ALDH1A1: variants seen among roughly 807,000 people sequenced by gnomAD.
The protein encoded by ALDH1A1 is aldehyde dehydrogenase 1 family member A1, also known as aldehyde dehydrogenase 1A1.
In ALDH1A1, 19 loss-of-function variants were observed where a neutral mutation model predicts 62.1. The observed-to-expected ratio is 0.31, with a 90% confidence interval of 0.21 to 0.45. The LOEUF (loss-of-function observed/expected upper bound fraction) is 0.45. Ranked by LOEUF, ALDH1A1 falls within the 20% of genes least tolerant of loss-of-function variation. ALDH1A1 has a pLI of 1.00. For missense variants in ALDH1A1, 521 were observed against 607.1 expected, an observed-to-expected ratio of 0.86 and a Z score of 1.49; for synonymous variants, 231 against 215.9, an observed-to-expected ratio of 1.07 and a Z score of -0.61.
chr9:72,917,395 A>C (rs990730276), intron 8 of ALDH1A1, among the ~76,000 whole-genome samples: 39 of 152,096 alleles, frequency 2.6e-4, no homozygotes, highest in African/African-American at 9.4e-4. Context: ...TCTCTTTGGA[A>C]ATGATTTATA....
At chr9:72,911,342 T>C (rs1336481095) in intron 10 of ALDH1A1, among the ~76,000 whole-genome samples, 2 of 152,194 alleles carry the variant, frequency 1.3e-5, no homozygotes, top group Non-Finnish European at 2.9e-5. Context: ...AAGTAGAACC[T>C]ATATATTTAT....
At chr9:72,907,462 G>C (rs750403614) in intron 11 of ALDH1A1, among the ~76,000 whole-genome samples, 1 of 152,144 alleles carries the variant, frequency 6.6e-6, no homozygotes, top group Non-Finnish European at 1.5e-5. Context: ...CCCTCAGTGG[G>C]GTGATGTCAT....
intron 9 of ALDH1A1, among the ~76,000 whole-genome samples, chr9:72,914,991 C>T (rs1421711897): frequency 1.3e-5 from 2 of 152,028 alleles, no homozygotes; most frequent in Non-Finnish European, 2.9e-5. Context: ...TTTCTCCTAA[C>T]AATAGATGAA....
intron 4 of ALDH1A1, among the ~76,000 whole-genome samples, 192 bp from the exon 5 acceptor site, chr9:72,927,369 G>A (rs913165235): frequency 3.3e-5 from 5 of 152,142 alleles, no homozygotes; most frequent in South Asian, 2.1e-4. Context: ...TCAAGAGATC[G>A]AGACCATCTA....
At chr9:72,946,308 G>C (rs1830473083) in intron 1 of ALDH1A1, among the ~76,000 whole-genome samples, 1 of 151,972 alleles carries the variant, frequency 6.6e-6, no homozygotes, top group East Asian at 1.9e-4. Context: ...TAGAGCAGTG[G>C]AAATAGTCAG....
chr9:72,930,885 C>A lies in ALDH1A1; in HGVS notation c.306G>T (p.Leu102=), dbSNP rs1391373397. Residue 102 remains leucine (L), a synonymous_variant, in exon 3 of 13, where the codon CTG becomes CTT. Coordinates refer to ENST00000297785, the MANE Select transcript of ALDH1A1 (RefSeq NM_000689.5). ...CAGCTTGGATAATACTCACCGCCAG[C>A]AGCAGACGATCTCTTTCGATTAAAT... ...LADLIERDRL[L]LATMESMNGG... is the part of the protein sequence containing the mutation. 6.2e-7 allele frequency: 1 copy of A among 1,613,986 alleles called. No homozygotes were observed. Among genetic ancestry groups the A allele is most frequent in the Admixed American group, 1.7e-5 (1 of 60,016 alleles).
intron 7 of ALDH1A1, among the ~76,000 whole-genome samples, chr9:72,920,513 T>A (rs1340072142): frequency 1.3e-5 from 2 of 152,206 alleles, no homozygotes; most frequent in Non-Finnish European, 2.9e-5. Flanking sequence ...TTTACGGAAG[T>A]AACTCCATTA....
intron 4 of ALDH1A1, among the ~76,000 whole-genome samples, chr9:72,928,235 C>T (rs1454547314): frequency 6.6e-6 from 1 of 151,774 alleles, no homozygotes; most frequent in African/African-American, 2.4e-5. Context: ...ATACTGTTTC[C>T]TAAATGTGTG....
At chr9:72,908,076 C>T (rs1021267664) in intron 11 of ALDH1A1, among the ~76,000 whole-genome samples, 2 of 151,836 alleles carry the variant, frequency 1.3e-5, no homozygotes, top group African/African-American at 2.4e-5. Flanking sequence ...TTAAAGCCCC[C>T]GAGATGATTC....
chr9:72,941,011 G>A (rs993088737), intron 1 of ALDH1A1, among the ~76,000 whole-genome samples: 3 of 152,084 alleles, frequency 2.0e-5, no homozygotes, highest in African/African-American at 4.8e-5. Context: ...CACTGAATTT[G>A]TCTTTTCTTG....
intron 9 of ALDH1A1, among the ~76,000 whole-genome samples, chr9:72,912,506 A>G (rs1830005262): frequency 1.3e-5 from 2 of 152,174 alleles, no homozygotes; most frequent in Admixed American, 1.3e-4. Flanking sequence ...AAAAGAGAAA[A>G]ACAGAACTTT....
rs774840577 is a variant in ALDH1A1 at position 72,930,886 on chromosome 9, A to T, written c.305T>A (p.Leu102Gln). Residue 102 changes from leucine (L) to glutamine (Q), a missense_variant, in exon 3 of 13, where the codon CTG (leucine) becomes CAG (glutamine). Transcript: ENST00000297785. ...AGCTTGGATAATACTCACCGCCAGC[A>T]GCAGACGATCTCTTTCGATTAAATC... Reference protein sequence around the residue: ...LADLIERDRLLLATMESMNGG... With the variant: ...LADLIERDRLQLATMESMNGG... The T allele has an allele frequency of 6.2e-7, 1 of 1,614,050 alleles. No individual in the cohort carries two copies. Among genetic ancestry groups the T allele is most frequent in the Admixed American group, 1.7e-5 (1 of 60,016 alleles).
intron 1 of ALDH1A1, among the ~76,000 whole-genome samples, chr9:72,945,611 C>T (rs1270466092): frequency 1.3e-5 from 2 of 151,790 alleles, no homozygotes; most frequent in African/African-American, 4.8e-5. Context: ...AGCTTAGGAA[C>T]CTACCAAAGT....
chr9:72,901,172 G>T lies in ALDH1A1; in HGVS notation c.*36C>A. On this transcript the variant is annotated 3_prime_UTR_variant, in exon 13 of 13. Transcript: ENST00000297785. ...ATTAGTGACTGTAAGGAGATGCTTA[G>T]CTATTGAAGAGCTTCTCTCCACTCT... 1 of 1,459,064 alleles carries T rather than the reference G, an allele frequency of 6.9e-7. No individual in the cohort carries two copies. 90.4% of individuals were successfully genotyped at this position (1,459,064 alleles called of 1,614,324 possible). A position where few individuals can be genotyped will look rare whatever the true frequency, so the allele number is the denominator to read the frequency against.
chr9:72,947,038 G>T (rs1192607469), intron 1 of ALDH1A1, among the ~76,000 whole-genome samples: 1 of 152,026 alleles, frequency 6.6e-6, no homozygotes, highest in South Asian at 2.1e-4. Context: ...CTTATGAAAT[G>T]GGGACAATAC....
intron 1 of ALDH1A1, among the ~76,000 whole-genome samples, chr9:72,944,790 T>C (rs1226921241): frequency 6.6e-6 from 1 of 152,128 alleles, no homozygotes; most frequent in African/African-American, 2.4e-5. Flanking sequence ...CAATTCTAAT[T>C]ATGAATTTTG....
chr9:72,928,975 A>C lies in ALDH1A1; in HGVS notation c.359T>G (p.Leu120Arg). Reference protein sequence around the residue: ...NGGKLYSNAYLNDLAGCIKTL... With the variant: ...NGGKLYSNAYRNDLAGCIKTL... ...TTTGATGCAGCCTGCTAAATCATTC[A>C]GATATGCATTGGAATAGAGTTTTCC... Residue 120 changes from leucine (L) to arginine (R), a missense_variant, in exon 4 of 13, where the codon CTG becomes CGG. By Grantham distance (102) the Leu-to-Arg change is moderately radical (BLOSUM62 -2). Transcript: ENST00000297785. 2 of 1,613,998 alleles carry C rather than the reference A, an allele frequency of 1.2e-6. No individual in the cohort carries two copies. Among genetic ancestry groups the C allele is most frequent in the Non-Finnish European group, 1.7e-6 (2 of 1,179,914 alleles).
chr9:72,927,499 T>C (rs1025825900), intron 4 of ALDH1A1, among the ~76,000 whole-genome samples: 1 of 152,198 alleles, frequency 6.6e-6, no homozygotes, highest in Non-Finnish European at 1.5e-5. Flanking sequence ...ATCTGAAAGA[T>C]AATTAATTCC....
At chr9:72,905,895 C>T in intron 12 of ALDH1A1, 63 bp downstream of exon 12, 2 of 1,356,582 alleles carry the variant, frequency 1.5e-6, no homozygotes, top group African/African-American at 1.5e-5. Context: ...TGAGTTAATT[C>T]CCTGGGAATG....
Sources: allele counts gnomAD v4.1 joint callset (sites outside exome capture counted in the v4.1 genomes callset), GRCh38; gene constraint gnomAD v4.1.1; transcripts MANE v1.5; gene names NCBI Gene and HGNC (gene_info 2026-07-23, HGNC 2026-07-21).